The following PRKN variants were observed in gnomAD, a reference collection of about 807,000 sequenced individuals.
PRKN encodes the protein E3 ubiquitin-protein ligase parkin.
A neutral mutation model predicts 59.5 loss-of-function variants in PRKN; 56 were observed. The observed-to-expected ratio is 0.94, with a 90% confidence interval of 0.76 to 1.18. PRKN has a LOEUF of 1.18. Ranked by LOEUF, PRKN falls within the 50% of genes most tolerant of loss-of-function variation. The pLI is 0.00. For synonymous variants in PRKN, 250 were observed against 222.1 expected (o/e 1.13, Z -1.12); for missense variants, 657 against 596.4 (o/e 1.10, Z -1.06).
Position 161,502,365 on chromosome 6 carries a change from T to C in PRKN, c.1083+46489A>G, listed in dbSNP as rs529565039. ...AATGTTTGGCTGTGCAGAAAACCAA[T>C]GACATCAAAAGGAGAGCTTCTAGAA... On this transcript the variant is annotated intron_variant, in intron 9 of 11. Transcript: ENST00000366898. This position sits in a 1 kb window ranked among gnomAD's most constrained non-coding sequence, Gnocchi z 4.0. Among the ~76,000 whole-genome samples, 6 of 152,218 alleles carry C rather than the reference T, an allele frequency of 3.9e-5. No individual in the cohort carries two copies. The highest frequency in any genetic ancestry group is 2.1e-4 in the South Asian group (1 of 4,818).
At chr6:161,509,317 T>C (rs1000539090) in intron 9 of PRKN, among the ~76,000 whole-genome samples, 6 of 152,006 alleles carry the variant, frequency 3.9e-5, no homozygotes, top group Non-Finnish European at 7.4e-5. Flanking sequence ...TTAGTCCTAG[T>C]GTTAGCTGTT....
Position 161,547,863 on chromosome 6 carries a change from A to G in PRKN, c.1083+991T>C, listed in dbSNP as rs1263609956. ...CACTTAGGCACCATGGTATCTCATT[A>G]TTTTTCAACTTCCACTTCCTCTACT... On this transcript the variant is annotated intron_variant, in intron 9 of 11. Transcript: ENST00000366898. The surrounding 1 kb of genome is among the most constrained non-coding windows in gnomAD (Gnocchi z 4.0). Among the ~76,000 whole-genome samples the G allele has an allele frequency of 2.0e-5, 3 of 152,100 alleles. No individual in the cohort carries two copies. The highest frequency in any genetic ancestry group is 1.3e-4 in the Admixed American group (2 of 15,266).
At chr6:162,257,309 T>C (rs1779677424) in intron 3 of PRKN, among the ~76,000 whole-genome samples, 1 of 152,182 alleles carries the variant, frequency 6.6e-6, no homozygotes, top group Admixed American at 6.6e-5. Flanking sequence ...TTTCTTTTTT[T>C]TTTCTCAAAA....
chr6:161,404,814 G>A (rs1377826410), intron 9 of PRKN, among the ~76,000 whole-genome samples: 1 of 152,162 alleles, frequency 6.6e-6, no homozygotes, highest in Non-Finnish European at 1.5e-5. Flanking sequence ...GGCACAGATG[G>A]CCACACCTGC....
intron 11 of PRKN, among the ~76,000 whole-genome samples, chr6:161,350,534 TTCC>T (rs1168217685): frequency 1.4e-5 from 2 of 145,934 alleles, no homozygotes; most frequent in African/African-American, 2.5e-5. Flanking sequence ...TAGGGGTCAA[TTCC>T]TCATTTAAAT....
chr6:162,245,702 T>TC (rs1222075564), intron 3 of PRKN, among the ~76,000 whole-genome samples: 2 of 152,146 alleles, frequency 1.3e-5, no homozygotes, highest in Non-Finnish European at 2.9e-5. Context: ...CTCCACTTTT[T>TC]CCCCTTTTTC....
At chr6:162,005,421 G>A (rs1003074358) in intron 5 of PRKN, among the ~76,000 whole-genome samples, 4 of 151,898 alleles carry the variant, frequency 2.6e-5, no homozygotes, top group Admixed American at 2.0e-4. Context: ...AAATTAAGTC[G>A]ACCTCTTCAC....
chr6:162,088,137 C>T (rs538466975), intron 4 of PRKN, among the ~76,000 whole-genome samples: 5 of 152,204 alleles, frequency 3.3e-5, no homozygotes, highest in Admixed American at 3.3e-4. Flanking sequence ...TCTCATAATT[C>T]AACAGGGAAT....
At chr6:162,606,381 A>G (rs1156745246) in intron 1 of PRKN, among the ~76,000 whole-genome samples, 1 of 152,236 alleles carries the variant, frequency 6.6e-6, no homozygotes, top group African/African-American at 2.4e-5. Flanking sequence ...CTATCTTATA[A>G]TAAAGTATTG....
At chr6:162,406,205 T>C (rs1175272065) in intron 2 of PRKN, among the ~76,000 whole-genome samples, 3 of 152,194 alleles carry the variant, frequency 2.0e-5, no homozygotes, top group Admixed American at 1.3e-4. Flanking sequence ...ATCGTTGCCA[T>C]TGTTATTCCA....
Position 161,357,644 on chromosome 6 carries a change from A to G in PRKN, c.1285+2444T>C, listed in dbSNP as rs1271168109. On this transcript the variant is annotated intron_variant, in intron 11 of 11. Coordinates refer to ENST00000366898, the MANE Select transcript of PRKN (RefSeq NM_004562.3). This position sits in a 1 kb window ranked among gnomAD's most constrained non-coding sequence, Gnocchi z 5.5. ...CTTTGGTCCTGTTATGCCTAGAGCTACTCACTATGACATGGTAACATCTTG... is the reference window on the plus strand; with the variant it reads ...CTTTGGTCCTGTTATGCCTAGAGCTGCTCACTATGACATGGTAACATCTTG... Among the ~76,000 whole-genome samples, 1 of 152,162 alleles carries G rather than the reference A, an allele frequency of 6.6e-6. No homozygotes were observed. The highest frequency in any genetic ancestry group is 2.4e-5 in the African/African-American group (1 of 41,418).
chr6:161,796,663 G>A (rs898245902), intron 6 of PRKN, among the ~76,000 whole-genome samples: 3 of 152,018 alleles, frequency 2.0e-5, no homozygotes, highest in South Asian at 4.1e-4. Flanking sequence ...TCAAAATTAC[G>A]TTTATAATAG....
chr6:161,739,203 T>C (rs1032790046), intron 7 of PRKN, among the ~76,000 whole-genome samples: 1 of 150,936 alleles, frequency 6.6e-6, no homozygotes, highest in African/African-American at 2.4e-5. Flanking sequence ...AGGTCAGGAG[T>C]TCAAGACCAG....
chr6:161,547,699 A>C lies in PRKN; in HGVS notation c.1083+1155T>G, dbSNP rs551695728. Among the ~76,000 whole-genome samples, 107 of 152,334 alleles carry C rather than the reference A, an allele frequency of 7.0e-4. No homozygotes were observed. Among genetic ancestry groups the C allele is most frequent in the African/African-American group, 2.5e-3 (102 of 41,574 alleles). On this transcript the variant is annotated intron_variant, in intron 9 of 11. Coordinates refer to ENST00000366898, the MANE Select transcript of PRKN (RefSeq NM_004562.3). This position sits in a 1 kb window ranked among gnomAD's most constrained non-coding sequence, Gnocchi z 4.0. ...TTGGCAACCTGCTGAGGCCACACAC[A>C]ATCATTGCAGATAATTCAGCACATG...
At chr6:161,864,943 C>T (rs542189095) in intron 6 of PRKN, among the ~76,000 whole-genome samples, 3 of 152,228 alleles carry the variant, frequency 2.0e-5, no homozygotes, top group African/African-American at 7.2e-5. Context: ...CGTGAACCAT[C>T]GTGCCCGGCC....
intron 1 of PRKN, among the ~76,000 whole-genome samples, chr6:162,659,345 T>C (rs898616072): frequency 1.3e-5 from 2 of 152,066 alleles, no homozygotes; most frequent in South Asian, 4.1e-4. Flanking sequence ...GTAAGCTACT[T>C]TTCTATATTG....
intron 6 of PRKN, among the ~76,000 whole-genome samples, chr6:161,961,035 T>C (rs1417562767): frequency 1.3e-5 from 2 of 152,190 alleles, no homozygotes; most frequent in Non-Finnish European, 2.9e-5. Flanking sequence ...TAAACATACA[T>C]GCAAAATATC....
At chr6:162,511,436 A>G (rs1344310450) in intron 1 of PRKN, among the ~76,000 whole-genome samples, 1 of 135,602 alleles carries the variant, frequency 7.4e-6, no homozygotes, top group Non-Finnish European at 1.5e-5. Flanking sequence ...AGAACTGTAC[A>G]GAATACAAAA....
chr6:162,466,303 AGCAATCATTT>A (rs1200418261), intron 1 of PRKN, among the ~76,000 whole-genome samples: 1 of 152,214 alleles, frequency 6.6e-6, no homozygotes, highest in Non-Finnish European at 1.5e-5. Context: ...AGGAGGCAGA[AGCAATCATTT>A]GCAGAATAGG....
Sources: allele counts gnomAD v4.1 joint callset (sites outside exome capture counted in the v4.1 genomes callset), GRCh38; gene constraint gnomAD v4.1.1; non-coding constraint Gnocchi (gnomAD v3.1); transcripts MANE v1.5; gene names NCBI Gene and HGNC (gene_info 2026-07-23, HGNC 2026-07-21).